Variants in BCR observed in about 807,000 individuals in gnomAD.
BCR encodes breakpoint cluster region protein.
A neutral mutation model predicts 138.6 loss-of-function variants in BCR; 58 were observed. That is an observed-to-expected ratio of 0.42 (90% CI 0.34 to 0.52). BCR has a LOEUF of 0.52. Among genes scored for constraint, BCR ranks in the 20% least tolerant of loss-of-function variants. The pLI, the probability that BCR is intolerant of heterozygous loss-of-function variation, is 0.06. For missense variants in BCR, 1,599 were observed against 1,727.2 expected (o/e 0.93, Z 1.32); for synonymous variants, 786 against 730.1 (o/e 1.08, Z -1.23).
intron 12 of BCR, 61 bp from the exon 13 acceptor site, chr22:23,289,456 A>T: frequency 7.1e-7 from 1 of 1,402,298 alleles, no homozygotes; most frequent in Non-Finnish European, 1.0e-6. Flanking sequence ...GTCCAGTGGG[A>T]GGGGCCAGAG....
chr22:23,206,334 G>A (rs1245838263), intron 1 of BCR, among the ~76,000 whole-genome samples: 1 of 152,168 alleles, frequency 6.6e-6, no homozygotes, highest in African/African-American at 2.4e-5. Flanking sequence ...CAGCACTTTG[G>A]GAGGCCAAGG....
intron 1 of BCR, among the ~76,000 whole-genome samples, chr22:23,183,756 G>A (rs1167491321): frequency 6.6e-6 from 1 of 152,226 alleles, no homozygotes; most frequent in East Asian, 1.9e-4. Context: ...TTAGGGAGAT[G>A]TGCAAATTGA....
rs558929520 is a variant in BCR at position 23,229,215 on chromosome 22, A to AT, written c.1280-24576dup. On this transcript the variant is annotated intron_variant, in intron 1 of 22. Transcript: ENST00000305877. ...TATTTGGTTCTTTTTTATAGCTTCT[A>AT]TTTTTTTTGGCTGAGAAGGCCTGTC... 1.3e-4 allele frequency among the ~76,000 whole-genome samples: 19 copies of AT among 151,020 alleles called. 1 individual carries two copies. The highest frequency in any genetic ancestry group is 5.9e-4 in the East Asian group (3 of 5,126).
chr22:23,228,215 G>A lies in BCR; in HGVS notation c.1280-25584G>A, dbSNP rs2072915476. Among the ~76,000 whole-genome samples the A allele has an allele frequency of 2.0e-5, 3 of 152,036 alleles. No individual in the cohort carries two copies. In the South Asian group the frequency reaches 6.2e-4, roughly 32 times the overall value. ...AGACCTTTCCTCTTTTCTGATATAA[G>A]CATTTGATGCTGTAAATTTGCCTCC... On this transcript the variant is annotated intron_variant, in intron 1 of 22. Coordinates refer to ENST00000305877, the MANE Select transcript of BCR (RefSeq NM_004327.4).
At chr22:23,241,365 G>A (rs1030257598) in intron 1 of BCR, among the ~76,000 whole-genome samples, 2 of 152,186 alleles carry the variant, frequency 1.3e-5, no homozygotes, top group Non-Finnish European at 2.9e-5. Context: ...TTCCTCTTTG[G>A]AGGGGCAGTG....
In BCR at chr22:23,296,211, A is replaced by G. The variant is rs138545908; in HGVS notation, c.3012+1056A>G. On this transcript the variant is annotated intron_variant, in intron 16 of 22. Coordinates refer to ENST00000305877, the MANE Select transcript of BCR (RefSeq NM_004327.4). ...AACACCGTGAAACCCCGTCTCTACTAAAAATACAAAAAATTAGCCAGGCGT... is the reference window on the plus strand; with the variant it reads ...AACACCGTGAAACCCCGTCTCTACTGAAAATACAAAAAATTAGCCAGGCGT... Among the ~76,000 whole-genome samples the G allele has an allele frequency of 3.2e-4, 49 of 152,024 alleles. 1 individual carries two copies. The East Asian group carries it at 9.3e-3, about 29-fold the overall frequency.
At chr22:23,311,298 TC>T (rs1024324269) in intron 18 of BCR, among the ~76,000 whole-genome samples, 38 of 148,748 alleles carry the variant, frequency 2.6e-4, no homozygotes, top group African/African-American at 2.2e-4. Flanking sequence ...AGGGCAGGGG[TC>T]AGGGATTCTC....
chr22:23,181,523 T>C lies in BCR; in HGVS notation c.563T>C (p.Leu188Pro), dbSNP rs1340308932. 1.2e-6 allele frequency: 2 copies of C among 1,612,682 alleles called. No homozygotes were observed. The highest frequency in any genetic ancestry group is 1.7e-6 in the Non-Finnish European group (2 of 1,179,800). Residue 188 changes from leucine to proline, a missense_variant, in exon 1 of 23, where the codon CTG becomes CCG. Around this residue, in one of 4 missense-constraint regions of BCR, gnomAD observed 806 missense variants for 635.0 expected, o/e 1.27. Transcript: ENST00000305877. ...GTCGAGTTTCACCACGAGCGCGGCC[T>C]GGTGAAGGTCAACGACAAAGAGGTG... ...VNVEFHHERG[L>P]VKVNDKEVSD...
chr22:23,266,184 A>G (rs1037328904), intron 4 of BCR, among the ~76,000 whole-genome samples: 8 of 151,972 alleles, frequency 5.3e-5, no homozygotes, highest in African/African-American at 9.7e-5. Context: ...TCCTGGGTTC[A>G]GGCGATTCTC....
intron 1 of BCR, among the ~76,000 whole-genome samples, chr22:23,229,190 T>A (rs947972609): frequency 2.0e-5 from 3 of 152,258 alleles, no homozygotes; most frequent in Non-Finnish European, 4.4e-5. Flanking sequence ...CTAAAATTCC[T>A]ATTTGGTTCT....
Position 23,190,608 on chromosome 22 carries a change from A to G in BCR, c.1279+8369A>G, listed in dbSNP as rs78505360. Among the ~76,000 whole-genome samples the G allele has an allele frequency of 2.1e-3, 325 of 152,322 alleles. 2 individuals carry two copies. Among genetic ancestry groups the G allele is most frequent in the African/African-American group, 7.2e-3 (301 of 41,580 alleles). ...TGAGGTACTGGGAGTTAGAACGTCA[A>G]CATATGGGGAGTGAGGCATGGTTTA... On this transcript the variant is annotated intron_variant, in intron 1 of 22. Transcript: ENST00000305877.
At chr22:23,312,212 A>G (rs1284876434) in intron 19 of BCR, among the ~76,000 whole-genome samples, 1 of 152,178 alleles carries the variant, frequency 6.6e-6, no homozygotes, top group Non-Finnish European at 1.5e-5. Context: ...GGGCTGCAGC[A>G]TCTCTGCCTC....
At chr22:23,230,493 C>T (rs1241009903) in intron 1 of BCR, among the ~76,000 whole-genome samples, 1 of 152,242 alleles carries the variant, frequency 6.6e-6, no homozygotes, top group African/African-American at 2.4e-5. Flanking sequence ...AGCTGATACA[C>T]ACACTGCGGA....
chr22:23,287,270 A>G lies in BCR; in HGVS notation c.2518A>G (p.Asn840Asp), dbSNP rs2073725982. The G allele has an allele frequency of 1.3e-6, 2 of 1,548,498 alleles. No individual in the cohort carries two copies. Among genetic ancestry groups the G allele is most frequent in the Non-Finnish European group, 1.7e-6 (2 of 1,145,222 alleles). Residue 840 changes from asparagine to aspartate, a missense_variant, in exon 11 of 23, where the codon AAC becomes GAC. Physicochemically the swap from Asn to Asp is conservative, Grantham distance 23. This residue lies in a region of BCR where 590 missense variants were observed against 762.4 expected (regional missense o/e 0.77). Coordinates refer to ENST00000305877, the MANE Select transcript of BCR (RefSeq NM_004327.4). Reference protein sequence around the residue: ...PSMAFRVHSRNGKSYTFLISS... With the variant: ...PSMAFRVHSRDGKSYTFLISS... ...CATGGCCTTCAGGGTGCACAGCCGC[A>G]ACGGCAAGGTGAGCGCCTGCTGTTC...
Position 23,315,666 on chromosome 22 carries a change from G to C in BCR, c.*144G>C. On this transcript the variant is annotated 3_prime_UTR_variant, in exon 23 of 23. Coordinates refer to ENST00000305877, the MANE Select transcript of BCR (RefSeq NM_004327.4). ...ATCTGCCAAGAGACAGCGACCCAAA[G>C]CCGAAGGACAGGTGGCCTGGAAAGA... The C allele has an allele frequency of 2.5e-6, 2 of 804,718 alleles. No individual in the cohort carries two copies. The highest frequency in any genetic ancestry group is 4.2e-6 in the Non-Finnish European group (2 of 474,048). 49.8% of individuals were successfully genotyped at this position (804,718 alleles called of 1,614,324 possible).
intron 1 of BCR, among the ~76,000 whole-genome samples, chr22:23,248,779 C>G (rs1225106634): frequency 6.6e-6 from 1 of 152,124 alleles, no homozygotes. Context: ...CTTCTACCTT[C>G]TAGTGTTTGG....
intron 2 of BCR, among the ~76,000 whole-genome samples, chr22:23,259,546 C>T (rs765422561): frequency 3.4e-4 from 50 of 146,958 alleles, no homozygotes; most frequent in Non-Finnish European, 6.0e-4. Flanking sequence ...GATGGAGTTT[C>T]GCTCTTGTTG....
rs142932576 is a variant in BCR, at chr22:23,288,049, C to G, written c.2527-48C>G. 9,050 of 1,579,832 alleles carry G rather than the reference C, an allele frequency of 5.7e-3. 470 individuals are homozygous for G. The Admixed American group carries it at 0.11, about 20-fold the overall frequency. On this transcript the variant is annotated intron_variant, in intron 11 of 22. Transcript: ENST00000305877. ...GTGCCCCGGGCCTACCAGGCATTTG[C>G]GTAGCCAGGGCGGAGATAACTGGGT...
chr22:23,193,384 G>A (rs1378349803), intron 1 of BCR, among the ~76,000 whole-genome samples: 12 of 152,256 alleles, frequency 7.9e-5, no homozygotes, highest in African/African-American at 2.2e-4. Context: ...TGGGGGCTTC[G>A]TGGGAGTAGC....
Sources: allele counts gnomAD v4.1 joint callset (sites outside exome capture counted in the v4.1 genomes callset), GRCh38; gene constraint gnomAD v4.1.1; regional missense constraint gnomAD v4.1.1; transcripts MANE v1.5; gene names NCBI Gene and HGNC (gene_info 2026-07-23, HGNC 2026-07-21).